The following GRIN2D variants were observed in gnomAD, a reference collection of about 807,000 sequenced individuals.
GRIN2D encodes the protein glutamate ionotropic receptor NMDA type subunit 2D, also known as glutamate receptor ionotropic, NMDA 2D.
GRIN2D carries 37 observed loss-of-function variants against 103.2 expected under a neutral mutation model. The observed-to-expected ratio is 0.36, with a 90% CI of 0.28 to 0.47. The LOEUF is 0.47. GRIN2D is among the 20% of genes least tolerant of loss of function. GRIN2D has a pLI of 1.00. For missense variants in GRIN2D, 1,557 were observed against 1,910.6 expected, an observed-to-expected ratio of 0.81 and a Z score of 3.45; for synonymous variants, 845 against 885.6, an observed-to-expected ratio of 0.95 and a Z score of 0.81.
At chr19:48,406,266 C>G (rs757949312) in intron 4 of GRIN2D, among the ~76,000 whole-genome samples, 1 of 152,170 alleles carries the variant, frequency 6.6e-6, no homozygotes, top group African/African-American at 2.4e-5. Flanking sequence ...TGCACATGGC[C>G]TGGCCAACTG....
chr19:48,415,571 TA>T (rs1423260047), intron 7 of GRIN2D, among the ~76,000 whole-genome samples: 1 of 87,566 alleles, frequency 1.1e-5, no homozygotes, highest in Non-Finnish European at 2.3e-5. Flanking sequence ...GTGGGACTCC[TA>T]GGGGAAGGGG....
Position 48,443,651 on chromosome 19 carries a change from C to A in GRIN2D, c.3725C>A (p.Thr1242Lys). Reference protein sequence around the residue: ...HPHRPRASHRTPAAAAPHHHR... With the variant: ...HPHRPRASHRKPAAAAPHHHR... ...CACCGCCCGCGGGCCTCGCACCGCA[C>A]GCCCGCCGCCGCCGCGCCCCACCAC... Residue 1242 changes from threonine (T) to lysine (K), a missense_variant, in exon 14 of 14, where the codon ACG (threonine) becomes AAG (lysine). By Grantham distance (78) the Thr-to-Lys change is moderately conservative (BLOSUM62 -1). Transcript: ENST00000263269. The surrounding 1 kb of genome is among the most constrained non-coding windows in gnomAD (Gnocchi z 8.9). 8.9e-7 allele frequency: 1 copy of A among 1,121,774 alleles called. No homozygotes were observed. Among genetic ancestry groups the A allele is most frequent in the Admixed American group, 4.7e-5 (1 of 21,280 alleles). 69.5% of individuals were successfully genotyped at this position (1,121,774 alleles called of 1,614,324 possible). A position where few individuals can be genotyped will look rare whatever the true frequency, so the allele number is the denominator to read the frequency against.
At chr19:48,400,550 T>G (rs577383669) in intron 3 of GRIN2D, among the ~76,000 whole-genome samples, 2 of 152,336 alleles carry the variant, frequency 1.3e-5, no homozygotes, top group Admixed American at 1.3e-4. Context: ...CCTTCATTGC[T>G]GCTGAGAAGT....
chr19:48,417,456 C>T (rs550136936), intron 8 of GRIN2D, among the ~76,000 whole-genome samples: 64 of 152,252 alleles, frequency 4.2e-4, no homozygotes, highest in African/African-American at 7.0e-4. Flanking sequence ...AAGCGTACAT[C>T]GGCCAAGGGC....
intron 11 of GRIN2D, among the ~76,000 whole-genome samples, chr19:48,428,219 C>T (rs1971111032): frequency 6.6e-6 from 1 of 151,466 alleles, no homozygotes; most frequent in Non-Finnish European, 1.5e-5. Flanking sequence ...GTATTTTTAG[C>T]AGAGATGGGT....
intron 3 of GRIN2D, among the ~76,000 whole-genome samples, chr19:48,402,100 AAGAG>A (rs1268358997): frequency 2.1e-5 from 3 of 144,592 alleles, no homozygotes; most frequent in Non-Finnish European, 3.0e-5. Context: ...ACTTGAAAGA[AAGAG>A]AGAAAGAGAA....
In GRIN2D at chr19:48,444,026, G is replaced by C. The variant is rs1302122499; in HGVS notation, c.*89G>C. On this transcript the variant is annotated 3_prime_UTR_variant, in exon 14 of 14. Transcript: ENST00000263269. The surrounding 1 kb of genome is among the most constrained non-coding windows in gnomAD (Gnocchi z 5.5). ...CAGTGGACAGGACCCGCGTGGGTTG[G>C]GAAGGAAAGCAGTGGAACTGGCCGG... The C allele has an allele frequency of 1.1e-6, 1 of 906,006 alleles. No homozygotes were observed. The highest frequency in any genetic ancestry group is 2.5e-5 in the South Asian group (1 of 40,742). 56.1% of individuals were successfully genotyped at this position (906,006 alleles called of 1,614,324 possible). A position where few individuals can be genotyped will look rare whatever the true frequency, so the allele number is the denominator to read the frequency against.
intron 3 of GRIN2D, among the ~76,000 whole-genome samples, chr19:48,400,719 C>T (rs1274431696): frequency 6.6e-6 from 1 of 152,160 alleles, no homozygotes; most frequent in African/African-American, 2.4e-5. Flanking sequence ...AATGTGGTCC[C>T]CTCAGCACAC....
intron 11 of GRIN2D, among the ~76,000 whole-genome samples, chr19:48,435,381 C>T (rs1454388438): frequency 2.0e-5 from 3 of 151,562 alleles, no homozygotes; most frequent in Non-Finnish European, 4.4e-5. Flanking sequence ...CGTCCGCCTC[C>T]CAGGTTTAAA....
At chr19:48,431,715 G>A (rs1347526564) in intron 11 of GRIN2D, among the ~76,000 whole-genome samples, 1 of 151,536 alleles carries the variant, frequency 6.6e-6, no homozygotes, top group African/African-American at 2.4e-5. Flanking sequence ...CTCCCAAGCA[G>A]CTCCGATTAC....
At position 48,426,253 on chromosome 19, in the gene GRIN2D, T is replaced by C. The variant is rs1349369435; in HGVS notation, c.2252+4308T>C. ...TTTTTTTTTTTTTTCTGAAACAGAG[T>C]CTCTCTCTATTGCCCAGGCTGGAGT... On this transcript the variant is annotated intron_variant, in intron 11 of 13. Coordinates refer to ENST00000263269, the MANE Select transcript of GRIN2D (RefSeq NM_000836.4). 2.1e-5 allele frequency among the ~76,000 whole-genome samples: 3 copies of C among 145,492 alleles called. No individual in the cohort carries two copies. The East Asian group carries it at 5.9e-4, about 29-fold the overall frequency.
At chr19:48,431,976 G>A (rs1971162996) in intron 11 of GRIN2D, among the ~76,000 whole-genome samples, 1 of 151,720 alleles carries the variant, frequency 6.6e-6, no homozygotes, top group Admixed American at 6.6e-5. Flanking sequence ...GCAGTGGCGT[G>A]ATCTTGGCTT....
At chr19:48,400,000 C>T (rs1486410855) in intron 3 of GRIN2D, among the ~76,000 whole-genome samples, 1 of 151,976 alleles carries the variant, frequency 6.6e-6, no homozygotes, top group Non-Finnish European at 1.5e-5. Flanking sequence ...GTGTGGAAAG[C>T]GAGAGTCCAG....
chr19:48,400,047 C>G (rs897398716), intron 3 of GRIN2D, among the ~76,000 whole-genome samples: 5 of 152,084 alleles, frequency 3.3e-5, no homozygotes, highest in African/African-American at 9.7e-5. Flanking sequence ...TGGTGGAGGC[C>G]GACCCAGCCA....
chr19:48,400,784 G>C lies in GRIN2D; in HGVS notation c.465+1927G>C, dbSNP rs773069994. 5.3e-5 allele frequency among the ~76,000 whole-genome samples: 8 copies of C among 152,112 alleles called. No individual in the cohort carries two copies. The East Asian group carries it at 1.3e-3, about 26-fold the overall frequency. On this transcript the variant is annotated intron_variant, in intron 3 of 13. Transcript: ENST00000263269. ...TGCATTACAATAAGACCTCATTTCC[G>C]GCCAGGTGCACTGGCTCACACCTGT... is the stretch of plus-strand genomic sequence containing the variant.
In GRIN2D at chr19:48,405,122, C is replaced by T. The variant is rs185295623; in HGVS notation, c.854C>T (p.Ser285Phe). Reference sequence around the variant, plus strand: ...CCCCAGCTGGCTGGAGGCGGGGGCTCTGGGGCCCCTGGTGAGCCCCCTCTT... The same window carrying T: ...CCCCAGCTGGCTGGAGGCGGGGGCTTTGGGGCCCCTGGTGAGCCCCCTCTT... The part of the protein sequence containing the change: ...VGPQLAGGGG[S>F]GAPGEPPLLP... The change falls in exon 4 of 14, where the codon TCT becomes TTT. Residue 285 changes from serine to phenylalanine, a missense_variant. Physicochemically the swap from Ser to Phe is radical, Grantham distance 155. Around this residue, in one of 7 missense-constraint regions of GRIN2D, gnomAD observed 490 missense variants for 601.1 expected, o/e 0.82. Transcript: ENST00000263269. This position sits in a 1 kb window ranked among gnomAD's most constrained non-coding sequence, Gnocchi z 5.1. The T allele has an allele frequency of 7.2e-5, 113 of 1,577,790 alleles. No homozygotes were observed. In the African/African-American group the frequency reaches 1.5e-3, roughly 21 times the overall value.
chr19:48,398,001 A>C (rs1600966999), intron 2 of GRIN2D, among the ~76,000 whole-genome samples: 14 of 127,598 alleles, frequency 1.1e-4, no homozygotes, highest in Admixed American at 1.5e-4. Context: ...TTTCTTCCCC[A>C]CCTCTCCCTT....
chr19:48,405,079 G>A lies in GRIN2D; in HGVS notation c.811G>A (p.Val271Ile), dbSNP rs565752293. Reference protein sequence around the residue: ...EEAGLTGSGYVWFMVGPQLAG... With the variant: ...EEAGLTGSGYIWFMVGPQLAG... ...GGCTGGCCTCACTGGATCTGGCTAC[G>A]TCTGGTTCATGGTGGGGCCCCAGCT... is the stretch of plus-strand genomic sequence containing the variant. Residue 271 changes from valine (V) to isoleucine (I), a missense_variant, in exon 4 of 14, where the codon GTC becomes ATC. Physicochemically the swap from Val to Ile is conservative, Grantham distance 29. Transcript: ENST00000263269. This position sits in a 1 kb window ranked among gnomAD's most constrained non-coding sequence, Gnocchi z 5.1. The A allele has an allele frequency of 5.0e-6, 8 of 1,601,468 alleles. No homozygotes were observed. The East Asian group carries it at 6.7e-5, about 13-fold the overall frequency.
At chr19:48,416,192 G>A in intron 8 of GRIN2D, 37 bp downstream of exon 8, 1 of 1,598,298 alleles carries the variant, frequency 6.3e-7, no homozygotes, top group Non-Finnish European at 8.6e-7. Flanking sequence ...CTAGCCCTAG[G>A]CAAAGTAGCC....
Sources: allele counts gnomAD v4.1 joint callset (sites outside exome capture counted in the v4.1 genomes callset), GRCh38; gene constraint gnomAD v4.1.1; regional missense constraint gnomAD v4.1.1; non-coding constraint Gnocchi (gnomAD v3.1); transcripts MANE v1.5; gene names NCBI Gene and HGNC (gene_info 2026-07-23, HGNC 2026-07-21).